The following ZNF426 variants were observed in gnomAD, a reference collection of about 807,000 sequenced individuals.
ZNF426 encodes the protein CTC-543D15.7.
ZNF426 carries 23 observed loss-of-function variants against 24.0 expected under a neutral mutation model. The observed-to-expected ratio is 0.96, with a 90% CI of 0.69 to 1.36. The LOEUF is 1.36. Among genes scored for constraint, ZNF426 ranks in the 40% most tolerant of loss-of-function variants. The pLI is 0.00. For missense variants in ZNF426, 646 were observed against 658.4 expected (o/e 0.98, Z 0.21); for synonymous variants, 272 against 224.6 (o/e 1.21, Z -1.89).
At position 9,527,968 on chromosome 19, in the gene ZNF426, C is replaced by T. The variant is rs188280403; in HGVS notation, c.*412G>A. 1.2e-5 allele frequency: 2 copies of T among 161,138 alleles called. No homozygotes were observed. Among genetic ancestry groups the T allele is most frequent in the African/African-American group, 2.4e-5 (1 of 41,400 alleles). 10.0% of individuals were successfully genotyped at this position (161,138 alleles called of 1,614,324 possible). Reference sequence around the variant, plus strand: ...TGGATTAGGGATGTACTCTAACAGACTCAATTTAATCAAATAATTTTCTTT... The same window carrying T: ...TGGATTAGGGATGTACTCTAACAGATTCAATTTAATCAAATAATTTTCTTT... On this transcript the variant is annotated 3_prime_UTR_variant, in exon 8 of 8. Transcript: ENST00000253115.
rs2073793454 is a variant in ZNF426, at chr19:9,526,524, A to G, written c.*1856T>C. The G allele has an allele frequency of 6.6e-6, 1 of 152,160 alleles. No homozygotes were observed. Among genetic ancestry groups the G allele is most frequent in the Non-Finnish European group, 1.5e-5 (1 of 68,038 alleles). The allele number at this position is 152,160 out of a possible 1,614,324, so 9.4% of individuals were successfully genotyped here. On this transcript the variant is annotated 3_prime_UTR_variant, in exon 8 of 8. Transcript: ENST00000253115. Reference sequence around the variant, plus strand: ...CTTATTATTGGCCAAGAAACAGCCAACTAAAGAGCTTGAGAATATATCAGC... The same window carrying G: ...CTTATTATTGGCCAAGAAACAGCCAGCTAAAGAGCTTGAGAATATATCAGC...
chr19:9,532,190 G>A (rs1304020060), intron 6 of ZNF426, among the ~76,000 whole-genome samples: 1 of 151,846 alleles, frequency 6.6e-6, no homozygotes, highest in Admixed American at 6.6e-5. Context: ...ACCCCAGGCA[G>A]GATGACATAA....
At chr19:9,537,833 T>C (rs942704342) in intron 2 of ZNF426, among the ~76,000 whole-genome samples, 3 of 152,066 alleles carry the variant, frequency 2.0e-5, no homozygotes, top group Admixed American at 2.0e-4. Context: ...TTTCTATTTT[T>C]AGTAGAGACG....
chr19:9,535,331 C>G, intron 3 of ZNF426, 52 bp from the exon 4 acceptor site: 1 of 1,361,350 alleles, frequency 7.3e-7, no homozygotes, highest in Non-Finnish European at 1.0e-6. Flanking sequence ...ATCCCCACAT[C>G]CACCTACCTA....
chr19:9,527,816 T>A lies in ZNF426; in HGVS notation c.*564A>T, dbSNP rs2144763742. ...AAGGTGCCAGCAGGGTTGGTGGCTT[T>A]GATAGAAGGATCTGTCCCAGTGCTC... On this transcript the variant is annotated 3_prime_UTR_variant, in exon 8 of 8. Coordinates refer to ENST00000253115, the MANE Select transcript of ZNF426 (RefSeq NM_024106.3). 1.3e-5 allele frequency: 2 copies of A among 152,292 alleles called. No homozygotes were observed. The highest frequency in any genetic ancestry group is 3.9e-4 in the East Asian group (2 of 5,180). 9.4% of individuals were successfully genotyped at this position (152,292 alleles called of 1,614,324 possible). A position where few individuals can be genotyped will look rare whatever the true frequency, so the allele number is the denominator to read the frequency against.
chr19:9,536,240 G>C lies in ZNF426; in HGVS notation c.-8C>G. On this transcript the variant is annotated 5_prime_UTR_variant, in exon 3 of 8. Coordinates refer to ENST00000253115, the MANE Select transcript of ZNF426 (RefSeq NM_024106.3). Reference sequence around the variant, plus strand: ...CAAATCAGCAGCTGCCATCCCGCGAGGTGAGAACGTGTCAGAACCCTCCTT... The same window carrying C: ...CAAATCAGCAGCTGCCATCCCGCGACGTGAGAACGTGTCAGAACCCTCCTT... 6.2e-7 allele frequency: 1 copy of C among 1,614,202 alleles called. No homozygotes were observed. The highest frequency in any genetic ancestry group is 1.6e-4 in the Middle Eastern group (1 of 6,062).
intron 4 of ZNF426, among the ~76,000 whole-genome samples, chr19:9,534,956 A>C (rs538971801): frequency 6.6e-6 from 1 of 151,980 alleles, no homozygotes; most frequent in East Asian, 1.9e-4. Flanking sequence ...GGGAAATTCA[A>C]ATGGGGATTC....
At chr19:9,531,103 A>G in intron 6 of ZNF426, 36 bp from the exon 7 acceptor site, 1 of 1,544,130 alleles carries the variant, frequency 6.5e-7, no homozygotes, top group Non-Finnish European at 9.0e-7. Context: ...AAAGGACTCA[A>G]GCTAGGCACA....
intron 6 of ZNF426, among the ~76,000 whole-genome samples, chr19:9,532,270 CTTTTTTTCTTTT>C (rs2073896644): frequency 1.5e-5 from 2 of 137,318 alleles, no homozygotes; most frequent in African/African-American, 5.5e-5. Context: ...GGAAATTTTT[CTTTTTTTCTTTT>C]TTTTTTTTTT....
At chr19:9,531,324 G>C (rs1414936214) in intron 6 of ZNF426, among the ~76,000 whole-genome samples, 3 of 152,040 alleles carry the variant, frequency 2.0e-5, no homozygotes, top group Admixed American at 6.6e-5. Context: ...GGCAGAGGTT[G>C]TAAGGAGCTC....
chr19:9,535,171 A>C lies in ZNF426; in HGVS notation c.117+17T>G, dbSNP rs757869675. 6 of 1,606,540 alleles carry C rather than the reference A, an allele frequency of 3.7e-6. No homozygotes were observed. Among genetic ancestry groups the C allele is most frequent in the Admixed American group, 1.7e-5 (1 of 59,696 alleles). On this transcript the variant is annotated intron_variant, in intron 4 of 7. Coordinates refer to ENST00000253115, the MANE Select transcript of ZNF426 (RefSeq NM_024106.3). ...TGCAAGTATGTCACTATGTATAAGAATACAGCTGCTTTTTACCTGATAACA... is the reference window on the plus strand; with the variant it reads ...TGCAAGTATGTCACTATGTATAAGACTACAGCTGCTTTTTACCTGATAACA...
intron 5 of ZNF426, among the ~76,000 whole-genome samples, chr19:9,533,618 G>A (rs1368579437): frequency 6.6e-6 from 1 of 152,182 alleles, no homozygotes; most frequent in Non-Finnish European, 1.5e-5. Context: ...AGGTTTCTGG[G>A]TGGAGAAGGA....
In ZNF426 at chr19:9,528,856, A is replaced by G. The variant is rs768950782; in HGVS notation, c.1189T>C (p.Cys397Arg). 5 of 1,614,202 alleles carry G rather than the reference A, an allele frequency of 3.1e-6. No homozygotes were observed. The highest frequency in any genetic ancestry group is 1.3e-5 in the African/African-American group (1 of 75,036). Residue 397 changes from cysteine to arginine, a missense_variant, in exon 8 of 8, where the codon TGT becomes CGT. Cys to Arg is a radical substitution (Grantham distance 180). Transcript: ENST00000253115. ...TGEKPFVCVE[C>R]GKAFAVSSNL... ...GAGGAAACTGCAAAGGCTTTCCCAC[A>G]TTCAACACATACAAAAGGCTTCTCT...
Position 9,528,995 on chromosome 19 carries a change from G to A in ZNF426, c.1050C>T (p.Gly350=), listed in dbSNP as rs750983682. 3 of 1,613,266 alleles carry A rather than the reference G, an allele frequency of 1.9e-6. No individual in the cohort carries two copies. The highest frequency in any genetic ancestry group is 2.5e-6 in the Non-Finnish European group (3 of 1,179,800). The change falls in exon 8 of 8, where the codon GGC becomes GGT. Residue 350 remains glycine (G), a synonymous_variant. Coordinates refer to ENST00000253115, the MANE Select transcript of ZNF426 (RefSeq NM_024106.3). The part of the protein sequence containing the change: ...ECGKAFTQYS[G]LSMHVRSHSG... ...TGTGAGATCGTACATGCATACTAAGGCCCGAGTACTGAGTGAAGGCTTTCC... is the reference window on the plus strand; with the variant it reads ...TGTGAGATCGTACATGCATACTAAGACCCGAGTACTGAGTGAAGGCTTTCC...
chr19:9,525,173 C>G lies in ZNF426; in HGVS notation c.*3207G>C, dbSNP rs901200482. The stretch of plus-strand genomic sequence containing the variant: ...CTGAGGCAGGAGAATGGCGTGAACC[C>G]GGGAGGCGGAGCTTGCAGTGAGCCG... On this transcript the variant is annotated 3_prime_UTR_variant, in exon 8 of 8. Coordinates refer to ENST00000253115, the MANE Select transcript of ZNF426 (RefSeq NM_024106.3). 6.6e-6 allele frequency: 1 copy of G among 150,516 alleles called. No individual in the cohort carries two copies. Among genetic ancestry groups the G allele is most frequent in the African/African-American group, 2.4e-5 (1 of 40,918 alleles). 9.3% of individuals were successfully genotyped at this position (150,516 alleles called of 1,614,324 possible). A position where few individuals can be genotyped will look rare whatever the true frequency, so the allele number is the denominator to read the frequency against.
In ZNF426 at chr19:9,528,320, T is replaced by G; in HGVS notation, c.*60A>C. 1 of 1,485,808 alleles carries G rather than the reference T, an allele frequency of 6.7e-7. No homozygotes were observed. The highest frequency in any genetic ancestry group is 9.1e-7 in the Non-Finnish European group (1 of 1,104,572). 92.0% of individuals were successfully genotyped at this position (1,485,808 alleles called of 1,614,324 possible). On this transcript the variant is annotated 3_prime_UTR_variant, in exon 8 of 8. Transcript: ENST00000253115. Reference sequence around the variant, plus strand: ...TCTCCAGAGTGAGTTCATTCATGTCTTTAAAGTGAACTGGAACAAATGAGA... The same window carrying G: ...TCTCCAGAGTGAGTTCATTCATGTCGTTAAAGTGAACTGGAACAAATGAGA...
intron 6 of ZNF426, among the ~76,000 whole-genome samples, chr19:9,531,288 G>T (rs2073880320): frequency 6.6e-6 from 1 of 152,128 alleles, no homozygotes. Flanking sequence ...ACGGGGCTCA[G>T]GCTGGAGAAT....
chr19:9,529,212 T>G lies in ZNF426; in HGVS notation c.833A>C (p.Lys278Thr). 1 of 1,614,148 alleles carries G rather than the reference T, an allele frequency of 6.2e-7. No homozygotes were observed. The highest frequency in any genetic ancestry group is 8.5e-7 in the Non-Finnish European group (1 of 1,180,028). ...TCCACATTCCTTACATTTGTAGGGC[T>G]TTTTTGCATTGAGGGTTTCTATAAG... ...SVLIETLNAKKPYKCKECGKG... is the reference protein window; with the variant it reads ...SVLIETLNAKTPYKCKECGKG... Residue 278 changes from lysine to threonine, a missense_variant, in exon 8 of 8, where the codon AAG (lysine) becomes ACG (threonine). Coordinates refer to ENST00000253115, the MANE Select transcript of ZNF426 (RefSeq NM_024106.3).
At chr19:9,536,528 C>A (rs1161143682) in intron 2 of ZNF426, 172 bp from the exon 3 acceptor site, 4 of 451,028 alleles carry the variant, frequency 8.9e-6, no homozygotes, top group Admixed American at 4.0e-5. Context: ...TAGCAAGACC[C>A]TATCTCTAAA....
Sources: allele counts gnomAD v4.1 joint callset (sites outside exome capture counted in the v4.1 genomes callset), GRCh38; gene constraint gnomAD v4.1.1; transcripts MANE v1.5; gene names NCBI Gene and HGNC (gene_info 2026-07-23, HGNC 2026-07-21).